Variants in LRMDA observed in about 807,000 individuals in gnomAD.
The protein encoded by LRMDA is leucine rich melanocyte differentiation associated.
In LRMDA, 18 loss-of-function variants were observed where a neutral mutation model predicts 29.8. That is an observed-to-expected ratio of 0.60 (90% CI 0.42 to 0.90). The LOEUF (loss-of-function observed/expected upper bound fraction) is 0.90, where lower values mean the gene tolerates loss of function less well. LRMDA is among the 40% of genes least tolerant of loss of function. The probability of loss-of-function intolerance (pLI) is 0.00; values close to 1 mark genes in which losing one functional copy is unlikely to be tolerated. For missense variants in LRMDA, 273 were observed against 273.9 expected, an observed-to-expected ratio of 1.00 and a Z score of 0.02; for synonymous variants, 125 against 109.4, an observed-to-expected ratio of 1.14 and a Z score of -0.89.
At chr10:76,169,434 C>G (rs941638350) in intron 5 of LRMDA, among the ~76,000 whole-genome samples, 2 of 152,160 alleles carry the variant, frequency 1.3e-5, no homozygotes, top group Non-Finnish European at 2.9e-5. Context: ...GTTGGATCTT[C>G]TCTATCCCAC....
chr10:75,454,375 C>T (rs990075524), intron 2 of LRMDA, among the ~76,000 whole-genome samples: 3 of 152,096 alleles, frequency 2.0e-5, no homozygotes, highest in Non-Finnish European at 2.9e-5. Flanking sequence ...GGGCAGGAGA[C>T]GGTCAGAGAG....
At chr10:76,124,064 T>A (rs531283597) in intron 5 of LRMDA, among the ~76,000 whole-genome samples, 24 of 152,330 alleles carry the variant, frequency 1.6e-4, no homozygotes, top group Non-Finnish European at 3.1e-4. Context: ...ATTTCCGCCT[T>A]GCTTTCCTCT....
At chr10:75,879,735 C>T (rs1056159456) in intron 2 of LRMDA, among the ~76,000 whole-genome samples, 2 of 152,110 alleles carry the variant, frequency 1.3e-5, no homozygotes, top group African/African-American at 4.8e-5. Context: ...TTTTATTTAC[C>T]TTTCCCCTGC....
In LRMDA at chr10:75,600,369, C is replaced by T. The variant is rs1447809768; in HGVS notation, c.131+161875C>T. Among the ~76,000 whole-genome samples, 5 of 152,276 alleles carry T rather than the reference C, an allele frequency of 3.3e-5. 1 individual carries two copies. In the South Asian group the frequency reaches 1.0e-3, roughly 32 times the overall value. On this transcript the variant is annotated intron_variant, in intron 2 of 6. Coordinates refer to ENST00000611255, the MANE Select transcript of LRMDA (RefSeq NM_001305581.2). Reference sequence around the variant, plus strand: ...GGTGGTCAGTCCATTGGCCCTGTCCCCTAGGGAGCCCTCCCTTAAACCTGG... The same window carrying T: ...GGTGGTCAGTCCATTGGCCCTGTCCTCTAGGGAGCCCTCCCTTAAACCTGG...
intron 6 of LRMDA, among the ~76,000 whole-genome samples, chr10:76,540,102 C>T (rs1378970930): frequency 1.3e-5 from 2 of 151,874 alleles, no homozygotes; most frequent in African/African-American, 4.8e-5. Flanking sequence ...TACATAAAGA[C>T]ACACAGAAGA....
At chr10:76,511,514 A>G (rs1843009045) in intron 6 of LRMDA, among the ~76,000 whole-genome samples, 1 of 152,140 alleles carries the variant, frequency 6.6e-6, no homozygotes, top group Non-Finnish European at 1.5e-5. Context: ...TATTAGAACT[A>G]ATACATGAGT....
intron 2 of LRMDA, among the ~76,000 whole-genome samples, chr10:75,625,997 A>G (rs1841245096): frequency 6.6e-6 from 1 of 151,652 alleles, no homozygotes. Flanking sequence ...AACTACAGTC[A>G]TGCCTGGCCA....
intron 5 of LRMDA, among the ~76,000 whole-genome samples, chr10:76,316,333 G>A (rs571761365): frequency 8.5e-5 from 13 of 152,178 alleles, no homozygotes; most frequent in Admixed American, 3.3e-4. Flanking sequence ...TGGAGCCAGC[G>A]CCTATACTGG....
intron 2 of LRMDA, among the ~76,000 whole-genome samples, chr10:75,603,295 T>C (rs1840911468): frequency 6.6e-6 from 1 of 152,100 alleles, no homozygotes; most frequent in South Asian, 2.1e-4. Context: ...TTAGGGTCTG[T>C]TTCATTATTA....
chr10:75,603,587 A>G (rs1840916066), intron 2 of LRMDA, among the ~76,000 whole-genome samples: 1 of 152,184 alleles, frequency 6.6e-6, no homozygotes, highest in Non-Finnish European at 1.5e-5. Flanking sequence ...TTTTAAGGAG[A>G]AAGATGTGAG....
intron 5 of LRMDA, among the ~76,000 whole-genome samples, chr10:76,110,552 C>G (rs1183296960): frequency 6.6e-6 from 1 of 152,126 alleles, no homozygotes; most frequent in Non-Finnish European, 1.5e-5. Flanking sequence ...AATTGTATCT[C>G]TCAGAATTCC....
chr10:75,787,808 T>A (rs967767270), intron 2 of LRMDA, among the ~76,000 whole-genome samples: 11 of 152,204 alleles, frequency 7.2e-5, no homozygotes, highest in Admixed American at 1.3e-4. Context: ...AGAGGGCGGA[T>A]CATGAGGTCA....
At chr10:76,226,539 C>T (rs1490590888) in intron 5 of LRMDA, among the ~76,000 whole-genome samples, 6 of 152,124 alleles carry the variant, frequency 3.9e-5, no homozygotes, top group Non-Finnish European at 1.5e-5. Context: ...CCCGAGATCA[C>T]GCCATTGCAC....
chr10:75,871,527 G>A lies in LRMDA; in HGVS notation c.132-164481G>A, dbSNP rs1845111003. ...GAGGAGGAGTCATGCCCATTGCCAA[G>A]AGCAGCAACCTTGATAATGCACCCT... On this transcript the variant is annotated intron_variant, in intron 2 of 6. Transcript: ENST00000611255. 5.3e-5 allele frequency among the ~76,000 whole-genome samples: 8 copies of A among 152,134 alleles called. 1 individual carries two copies. In the South Asian group the frequency reaches 1.7e-3, roughly 32 times the overall value.
intron 5 of LRMDA, among the ~76,000 whole-genome samples, chr10:76,144,286 A>G (rs1462498351): frequency 1.3e-5 from 2 of 152,164 alleles, no homozygotes; most frequent in African/African-American, 2.4e-5. Context: ...CTTGGGCAGT[A>G]TGGCCATTTT....
In LRMDA at chr10:75,658,437, C is replaced by T. The variant is rs143309103; in HGVS notation, c.131+219943C>T. On this transcript the variant is annotated intron_variant, in intron 2 of 6. Transcript: ENST00000611255. ...AAAAAGAGGGTAAATTAATTCCTAA[C>T]CTCAAATAGCAAAAGGTTTCTTTTT... 3.0e-3 allele frequency among the ~76,000 whole-genome samples: 450 copies of T among 152,114 alleles called. 1 individual carries two copies. Among genetic ancestry groups the T allele is most frequent in the Middle Eastern group, 6.8e-3 (2 of 294 alleles).
intron 2 of LRMDA, among the ~76,000 whole-genome samples, chr10:75,825,669 C>G (rs1844236285): frequency 6.6e-6 from 1 of 152,072 alleles, no homozygotes; most frequent in Non-Finnish European, 1.5e-5. Context: ...TATATGAAAC[C>G]ATAACCTACT....
intron 5 of LRMDA, among the ~76,000 whole-genome samples, chr10:76,296,918 G>A (rs1404038913): frequency 6.6e-6 from 1 of 152,214 alleles, no homozygotes; most frequent in African/African-American, 2.4e-5. Flanking sequence ...AGTTGATAGA[G>A]TTGTCACAGA....
At chr10:76,373,364 T>C (rs1841477922) in intron 6 of LRMDA, among the ~76,000 whole-genome samples, 1 of 152,134 alleles carries the variant, frequency 6.6e-6, no homozygotes, top group South Asian at 2.1e-4. Flanking sequence ...CCTTGCTTAT[T>C]GCAAACAGCA....
Sources: allele counts gnomAD v4.1 joint callset (sites outside exome capture counted in the v4.1 genomes callset), GRCh38; gene constraint gnomAD v4.1.1; transcripts MANE v1.5; gene names NCBI Gene and HGNC (gene_info 2026-07-23, HGNC 2026-07-21).